Variants in PPP6R2 observed in about 807,000 individuals in gnomAD.
The protein encoded by PPP6R2 is serine/threonine-protein phosphatase 6 regulatory subunit 2.
Under a neutral mutation model 100.2 loss-of-function variants are expected in PPP6R2, and 62 were observed. The observed-to-expected ratio is 0.62, with a 90% CI of 0.50 to 0.76. PPP6R2 has a LOEUF of 0.76. PPP6R2 is among the 30% of genes least tolerant of loss of function. PPP6R2 has a pLI of 0.00. For missense variants in PPP6R2, 1,142 were observed against 1,276.3 expected (o/e 0.89, Z 1.60); for synonymous variants, 525 against 514.7 (o/e 1.02, Z -0.27).
chr22:50,397,451 T>C (rs2057138829), intron 3 of PPP6R2, among the ~76,000 whole-genome samples: 1 of 152,106 alleles, frequency 6.6e-6, no homozygotes. Context: ...AATGTATGTG[T>C]GTATTATTTA....
chr22:50,443,947 GC>G lies in PPP6R2; in HGVS notation c.2667del (p.Glu890ArgfsTer10). ...TGACTGCTGCCCCAGCCGTGGCTGT[GC>G]CCCCCGAGGCTACTGTGGCCATCAC... is the stretch of plus-strand genomic sequence containing the variant. ...EVTAAPAVAV[P>X]PEATVAITTA... On this transcript the variant is annotated frameshift_variant, in exon 23 of 24. Coordinates refer to ENST00000612753, the MANE Select transcript of PPP6R2 (RefSeq NM_001242898.2). LOFTEE classifies it high-confidence loss of function. 4.3e-6 allele frequency: 7 copies of G among 1,609,964 alleles called. No homozygotes were observed. Among genetic ancestry groups the G allele is most frequent in the Non-Finnish European group, 5.1e-6 (6 of 1,178,702 alleles).
At chr22:50,336,470 G>A in the PPP6R2 span, among the ~76,000 whole-genome samples, 1 of 151,896 alleles carries the variant, frequency 6.6e-6, no homozygotes, top group Non-Finnish European at 1.5e-5. Context: ...TCCACTCGCG[G>A]GTTCAAGTGA....
chr22:50,371,390 G>A (rs2050170772), intron 1 of PPP6R2, among the ~76,000 whole-genome samples: 1 of 152,070 alleles, frequency 6.6e-6, no homozygotes, highest in African/African-American at 2.4e-5. Flanking sequence ...ACCAGCTGAG[G>A]TTGGAAATGG....
chr22:50,403,469 C>T (rs7288269), intron 3 of PPP6R2, among the ~76,000 whole-genome samples: 51,870 of 152,102 alleles, frequency 0.34, 9,731 homozygotes, highest in East Asian at 0.74. Context: ...TGTCCACTTG[C>T]TGGCCAGCCC....
At chr22:50,380,690 G>A (rs2052683813) in intron 2 of PPP6R2, among the ~76,000 whole-genome samples, 1 of 149,822 alleles carries the variant, frequency 6.7e-6, no homozygotes, top group Admixed American at 6.6e-5. Flanking sequence ...GTTCTCTTGG[G>A]AACTAAGAGT....
the PPP6R2 span, among the ~76,000 whole-genome samples, chr22:50,337,893 G>GTT: frequency 7.1e-6 from 1 of 140,038 alleles, no homozygotes; most frequent in African/African-American, 2.7e-5. Flanking sequence ...TGTGTGGTGT[G>GTT]TGTGGTCTGT....
intron 4 of PPP6R2, among the ~76,000 whole-genome samples, chr22:50,413,068 C>G (rs573733085): frequency 6.6e-6 from 1 of 151,012 alleles, no homozygotes; most frequent in African/African-American, 2.4e-5. Context: ...TCAAGCAATT[C>G]TGCCTCAGCC....
upstream of PPP6R2, chr22:50,343,242 C>T (rs2042615602): frequency 6.6e-6 from 1 of 150,686 alleles, no homozygotes; most frequent in East Asian, 1.9e-4. Flanking sequence ...CCGGCCCCGC[C>T]CACCCGCGCG....
At chr22:50,337,074 A>C in the PPP6R2 span, among the ~76,000 whole-genome samples, 1 of 152,052 alleles carries the variant, frequency 6.6e-6, no homozygotes, top group Non-Finnish European at 1.5e-5. Flanking sequence ...ATTTTGAAGG[A>C]GGAAAAACCA....
rs370023712 is a variant in PPP6R2, at chr22:50,401,789, C to T, written c.228-4900C>T. 1.7e-4 allele frequency among the ~76,000 whole-genome samples: 26 copies of T among 151,732 alleles called. 1 individual carries two copies. The highest frequency in any genetic ancestry group is 3.4e-3 in the Middle Eastern group (1 of 290). ...TCTTGAGTACAGGCGCCTGCCACCA[C>T]GCCCGGCTAATTTTTTTGTATTTTT... On this transcript the variant is annotated intron_variant, in intron 3 of 23. Coordinates refer to ENST00000612753, the MANE Select transcript of PPP6R2 (RefSeq NM_001242898.2).
chr22:50,401,835 C>T (rs943522932), intron 3 of PPP6R2, among the ~76,000 whole-genome samples: 2 of 151,728 alleles, frequency 1.3e-5, no homozygotes, highest in Non-Finnish European at 2.9e-5. Context: ...AGGGTTTCAC[C>T]GTGTTAGCCA....
At chr22:50,375,833 T>G in intron 2 of PPP6R2, among the ~76,000 whole-genome samples, 1 of 88,338 alleles carries the variant, frequency 1.1e-5, no homozygotes, top group East Asian at 2.9e-4. Flanking sequence ...TCCCTGCAGA[T>G]TTTTTTTTTT....
At chr22:50,437,480 T>TCCCCC in intron 15 of PPP6R2, 26 bp from the exon 16 acceptor site, 1 of 728,390 alleles carries the variant, frequency 1.4e-6, no homozygotes. Flanking sequence ...TGTCTGTCCG[T>TCCCCC]CCCTCCCTCC....
chr22:50,415,363 G>A (rs796224648), intron 5 of PPP6R2, among the ~76,000 whole-genome samples: 4 of 152,206 alleles, frequency 2.6e-5, no homozygotes, highest in Admixed American at 2.0e-4. Context: ...GGTTAGTAAT[G>A]CTTCCTCAGG....
chr22:50,424,399 G>A (rs574504378), intron 10 of PPP6R2, among the ~76,000 whole-genome samples: 49 of 150,176 alleles, frequency 3.3e-4, no homozygotes, highest in Middle Eastern at 3.4e-3. Context: ...TGGAAGGTCC[G>A]TCAGTGTGTG....
At chr22:50,438,068 G>T (rs531022710) in intron 17 of PPP6R2, 106 bp from the exon 18 acceptor site, 14 of 1,516,508 alleles carry the variant, frequency 9.2e-6, no homozygotes, top group Admixed American at 2.0e-5. Flanking sequence ...CCTCCAGCCC[G>T]GGGCTCCCAC....
chr22:50,346,613 C>T (rs1357601212), intron 1 of PPP6R2, among the ~76,000 whole-genome samples: 1 of 145,070 alleles, frequency 6.9e-6, no homozygotes, highest in Non-Finnish European at 1.5e-5. Context: ...CCTCACCCAT[C>T]AGTCCCCACC....
At chr22:50,374,012 T>C (rs1463764582) in intron 2 of PPP6R2, among the ~76,000 whole-genome samples, 2 of 151,644 alleles carry the variant, frequency 1.3e-5, no homozygotes, top group African/African-American at 4.8e-5. Flanking sequence ...GGGATTATTA[T>C]AGGCGTGAGC....
intron 2 of PPP6R2, among the ~76,000 whole-genome samples, chr22:50,374,832 T>C (rs1340515125): frequency 6.8e-6 from 1 of 146,172 alleles, no homozygotes; most frequent in Non-Finnish European, 1.5e-5. Context: ...GAGAATTGCT[T>C]GAACGTGGGA....
Sources: gnomAD v4.1 joint callset for allele counts (sites outside exome capture counted in the v4.1 genomes callset) on GRCh38, gnomAD v4.1.1 for gene constraint, MANE v1.5 for transcripts, NCBI Gene and HGNC (gene_info 2026-07-23, HGNC 2026-07-21) for gene names.